XRCC3: variants seen among roughly 807,000 people sequenced by gnomAD.
XRCC3 encodes the protein DNA repair protein XRCC3.
XRCC3 carries 34 observed loss-of-function variants against 29.2 expected under a neutral mutation model. The observed-to-expected ratio is 1.16, with a 90% confidence interval of 0.88 to 1.55. XRCC3 has a LOEUF of 1.55. Among genes scored for constraint, XRCC3 ranks in the 40% most tolerant of loss-of-function variants. The probability of loss-of-function intolerance (pLI) is 0.00; values close to 1 mark genes in which losing one functional copy is unlikely to be tolerated. For synonymous variants in XRCC3, 223 were observed against 211.3 expected (o/e 1.06, Z -0.48); for missense variants, 463 against 467.6 (o/e 0.99, Z 0.09).
rs949550766 is a variant in XRCC3 at position 103,711,190 on chromosome 14, G to A, written c.-103C>T. On this transcript the variant is annotated 5_prime_UTR_variant, in exon 4 of 10. Coordinates refer to ENST00000555055, the MANE Select transcript of XRCC3 (RefSeq NM_005432.4). ...GCCTTCAATTCAAAGCCTGTGGGAG[G>A]CCCGAACCAGGGAAGTGACAGCAGC... 1.3e-4 allele frequency: 167 copies of A among 1,321,418 alleles called. 1 individual carries two copies. In the African/African-American group the frequency reaches 1.9e-3, roughly 15 times the overall value. The allele number at this position is 1,321,418 out of a possible 1,614,324, so 81.9% of individuals were successfully genotyped here.
Position 103,699,345 on chromosome 14 carries a change from A to C in XRCC3, c.774+19T>G, listed in dbSNP as rs3212112. On this transcript the variant is annotated intron_variant, in intron 8 of 9. Transcript: ENST00000555055. Reference sequence around the variant, plus strand: ...CTAAAAATACGAGCTCAGGGGTGCAACCCTGCCTTGGTGCTCACCTGGTTG... The same window carrying C: ...CTAAAAATACGAGCTCAGGGGTGCACCCCTGCCTTGGTGCTCACCTGGTTG... The C allele has an allele frequency of 4.8e-3, 7,623 of 1,585,862 alleles. 236 individuals carry two copies. The African/African-American group carries it at 0.073, about 15-fold the overall frequency.
At chr14:103,703,799 T>C in intron 6 of XRCC3, 1 of 219,202 alleles carries the variant, frequency 4.6e-6, no homozygotes, top group Non-Finnish European at 9.3e-6. Flanking sequence ...GCTCCTGCAA[T>C]CTGGGCTCCA....
In XRCC3 at chr14:103,703,213, C is replaced by G. The variant is rs768580716; in HGVS notation, c.521G>C (p.Arg174Pro). 7.0e-6 allele frequency: 11 copies of G among 1,569,738 alleles called. No homozygotes were observed. The highest frequency in any genetic ancestry group is 9.5e-6 in the Non-Finnish European group (11 of 1,157,316). The change falls in exon 7 of 10, where the codon CGA (arginine) becomes CCA (proline). Residue 174 changes from arginine (R) to proline (P), a missense_variant. Arg to Pro is a moderately radical substitution (Grantham distance 103). Transcript: ENST00000555055. ...DVPGELLQKL[R>P]FGSQIFIEHV... ...CTCGATGAAGATCTGGCTGCCAAAT[C>G]GGAGCTTCTGAAGCAGCTCTCCTGG...
Position 103,697,728 on chromosome 14 carries a change from CTG to C in XRCC3, c.*1068_*1069del, listed in dbSNP as rs1260486279. On this transcript the variant is annotated 3_prime_UTR_variant, in exon 10 of 10. Coordinates refer to ENST00000555055, the MANE Select transcript of XRCC3 (RefSeq NM_005432.4). ...ACGGTGGGAATCAAGGGGGTCACCA[CTG>C]TGCCCATGGGGAGGCCACGCCACTC... 6.6e-6 allele frequency: 1 copy of C among 152,308 alleles called. No homozygotes were observed. The highest frequency in any genetic ancestry group is 1.5e-5 in the Non-Finnish European group (1 of 68,102). The allele number at this position is 152,308 out of a possible 1,614,324, so 9.4% of individuals were successfully genotyped here.
At chr14:103,707,299 C>CT in intron 5 of XRCC3, 84 bp from the exon 6 acceptor site, 1 of 1,499,444 alleles carries the variant, frequency 6.7e-7, no homozygotes, top group Non-Finnish European at 9.0e-7. Flanking sequence ...GTCAGCCTGC[C>CT]TGTGCCAGGT....
intron 8 of XRCC3, 48 bp from the exon 9 acceptor site, chr14:103,699,227 G>A (rs749728676): frequency 4.7e-5 from 72 of 1,543,504 alleles, no homozygotes; most frequent in Non-Finnish European, 5.8e-5. Flanking sequence ...GGGTCTTCTC[G>A]ATGGTTAGGC....
intron 7 of XRCC3, chr14:103,699,780 C>T (rs1338395894): frequency 1.6e-6 from 1 of 622,712 alleles, no homozygotes; most frequent in East Asian, 2.8e-5. Context: ...TTCAGGCTCA[C>T]ACAACTGGTT....
intron 7 of XRCC3, chr14:103,702,428 G>T (rs2083256695): frequency 6.6e-6 from 1 of 152,566 alleles, no homozygotes; most frequent in African/African-American, 2.4e-5. Flanking sequence ...AGCCTGGAGA[G>T]CAGGTCGCAT....
intron 6 of XRCC3, chr14:103,704,714 C>G (rs2083371759): frequency 6.6e-6 from 1 of 152,184 alleles, no homozygotes; most frequent in African/African-American, 2.4e-5. Context: ...GCCTATCAGG[C>G]CGAACTGTAC....
At chr14:103,708,867 C>T in intron 4 of XRCC3, 4 of 621,492 alleles carry the variant, frequency 6.4e-6, no homozygotes, top group Non-Finnish European at 1.1e-5. Flanking sequence ...GGCTGCTGGA[C>T]ACTGCGCCCT....
In XRCC3 at chr14:103,707,082, G is replaced by C; in HGVS notation, c.327C>G (p.Ser109Arg). 1 of 1,558,052 alleles carries C rather than the reference G, an allele frequency of 6.4e-7. No individual in the cohort carries two copies. ...GCGCCAGCTGGGTCTTCCCTGCCGA[G>C]CTGCGTCCGGCCAGCTCAGTGATGC... ...LDGITELAGR[S>R]SAGKTQLALQ... Residue 109 changes from serine (S) to arginine (R), a missense_variant, in exon 6 of 10, where the codon AGC becomes AGG. By Grantham distance (110) the Ser-to-Arg change is moderately radical (BLOSUM62 -1). Transcript: ENST00000555055.
chr14:103,708,892 G>C (rs1053132277), intron 4 of XRCC3: 1 of 544,224 alleles, frequency 1.8e-6, no homozygotes, highest in Admixed American at 2.6e-5. Context: ...CCTGGCACTC[G>C]GACAGATACC....
chr14:103,699,144 G>T lies in XRCC3; in HGVS notation c.810C>A (p.His270Gln). Residue 270 changes from histidine (H) to glutamine (Q), a missense_variant, in exon 9 of 10, where the codon CAC becomes CAA. By Grantham distance (24) the His-to-Gln change is conservative. Transcript: ENST00000555055. ...TEAMEEQGAA[H>Q]GPLGFWDERV... is the part of the protein sequence containing the mutation. ...ATGGCTGCACTCACCCCAGCGGCCCGTGTGCTGCGCCCTGCTCCTCCATGG... is the reference window on the plus strand; with the variant it reads ...ATGGCTGCACTCACCCCAGCGGCCCTTGTGCTGCGCCCTGCTCCTCCATGG... The T allele has an allele frequency of 6.4e-7, 1 of 1,572,178 alleles. No individual in the cohort carries two copies. The highest frequency in any genetic ancestry group is 8.6e-7 in the Non-Finnish European group (1 of 1,161,004).
intron 5 of XRCC3, 122 bp from the exon 6 acceptor site, chr14:103,707,337 C>T (rs1472504549): frequency 8.0e-6 from 10 of 1,256,116 alleles, no homozygotes; most frequent in Admixed American, 4.0e-5. Context: ...CAGGTGCCTG[C>T]GGTCATGGGG....
chr14:103,708,900 A>G, intron 4 of XRCC3: 2 of 517,502 alleles, frequency 3.9e-6, no homozygotes, highest in Admixed American at 5.4e-5. Flanking sequence ...TCGGACAGAT[A>G]CCAGCCTCGT....
At chr14:103,700,638 C>G (rs1183415656) in intron 7 of XRCC3, 3 of 1,602,980 alleles carry the variant, frequency 1.9e-6, no homozygotes, top group Admixed American at 1.7e-5. Flanking sequence ...TGAAACTCGT[C>G]TGTGCTTCAT....
chr14:103,703,112 C>T, intron 7 of XRCC3, 61 bp downstream of exon 7: 1 of 1,542,170 alleles, frequency 6.5e-7, no homozygotes, highest in Non-Finnish European at 8.7e-7. Context: ...GTGGCTACAC[C>T]TGCCCCAATG....
chr14:103,711,398 A>G (rs1290654138), intron 3 of XRCC3, 68 bp downstream of exon 3: 2 of 585,736 alleles, frequency 3.4e-6, no homozygotes, highest in Non-Finnish European at 6.4e-6. Flanking sequence ...CACCACATTT[A>G]CCTCCTGTGG....
At position 103,698,330 on chromosome 14, in the gene XRCC3, G is replaced by A. The variant is rs899718978; in HGVS notation, c.*468C>T. 1 of 192,730 alleles carries A rather than the reference G, an allele frequency of 5.2e-6. No homozygotes were observed. The highest frequency in any genetic ancestry group is 1.1e-5 in the Non-Finnish European group (1 of 91,826). 11.9% of individuals were successfully genotyped at this position (192,730 alleles called of 1,614,324 possible). ...GCAGCCCCACTGTGGCCTGAGTGGT[G>A]GGGGAGTAAGGACTGCCCTGTGTGC... On this transcript the variant is annotated 3_prime_UTR_variant, in exon 10 of 10. Transcript: ENST00000555055.
Sources: gnomAD v4.1 joint callset for allele counts on GRCh38, gnomAD v4.1.1 for gene constraint, MANE v1.5 for transcripts, NCBI Gene and HGNC (gene_info 2026-07-23, HGNC 2026-07-21) for gene names.